The following TSPAN13 variants were observed in gnomAD, a reference collection of about 807,000 sequenced individuals.
TSPAN13 encodes tetraspanin-13.
A neutral mutation model predicts 26.9 loss-of-function variants in TSPAN13; 18 were observed. The ratio of observed to expected loss-of-function variants is 0.67; its 90% CI spans 0.46 to 0.99. The LOEUF is 0.99. Among genes scored for constraint, TSPAN13 ranks in the 50% least tolerant of loss-of-function variants. The probability of loss-of-function intolerance (pLI) is 0.00; values close to 1 mark genes in which losing one functional copy is unlikely to be tolerated. For missense variants in TSPAN13, 201 were observed against 249.6 expected, an observed-to-expected ratio of 0.81 and a Z score of 1.31; for synonymous variants, 116 against 98.4, an observed-to-expected ratio of 1.18 and a Z score of -1.06.
intron 1 of TSPAN13, chr7:16,775,992 T>C (rs1043163846): frequency 4.8e-6 from 2 of 419,074 alleles, no homozygotes; most frequent in Admixed American, 8.3e-5. Flanking sequence ...TTTTTTTTTC[T>C]TTTGCAAGAA....
chr7:16,769,232 A>T (rs139005798), intron 1 of TSPAN13, among the ~76,000 whole-genome samples: 1 of 152,222 alleles, frequency 6.6e-6, no homozygotes, highest in African/African-American at 2.4e-5. Context: ...TATCCAAAAT[A>T]TGTAGAGTCA....
intron 1 of TSPAN13, among the ~76,000 whole-genome samples, chr7:16,755,066 A>C (rs962090116): frequency 6.6e-6 from 1 of 152,024 alleles, no homozygotes; most frequent in Non-Finnish European, 1.5e-5. Context: ...CGGGCGGAAG[A>C]AACTTCCTCT....
At chr7:16,762,700 G>A (rs1453522905) in intron 1 of TSPAN13, among the ~76,000 whole-genome samples, 1 of 152,148 alleles carries the variant, frequency 6.6e-6, no homozygotes, top group Non-Finnish European at 1.5e-5. Context: ...CCCAGGGCAT[G>A]TGCATAATTC....
chr7:16,758,751 C>CTTT (rs35793839), intron 1 of TSPAN13, among the ~76,000 whole-genome samples: 12 of 146,872 alleles, frequency 8.2e-5, no homozygotes, highest in Non-Finnish European at 1.7e-4. Context: ...TTGTAATACC[C>CTTT]TTTTTTTTTT....
At chr7:16,777,964 G>T in intron 4 of TSPAN13, 53 bp downstream of exon 4, 1 of 1,289,196 alleles carries the variant, frequency 7.8e-7, no homozygotes, top group South Asian at 1.4e-5. Context: ...GATAAATAAT[G>T]ATTAATGTGG....
chr7:16,760,609 T>C (rs1784532225), intron 1 of TSPAN13, among the ~76,000 whole-genome samples: 1 of 152,034 alleles, frequency 6.6e-6, no homozygotes, highest in Admixed American at 6.6e-5. Flanking sequence ...GCCAACAAGT[T>C]AGTGAGGGTA....
At chr7:16,772,562 TTG>T (rs1013507287) in intron 1 of TSPAN13, among the ~76,000 whole-genome samples, 1 of 152,124 alleles carries the variant, frequency 6.6e-6, no homozygotes, top group Non-Finnish European at 1.5e-5. Flanking sequence ...ACTTTCTACA[TTG>T]TGTGTGTCTC....
In TSPAN13 at chr7:16,753,770, C is replaced by T. The variant is rs1784447633; in HGVS notation, c.-198C>T. 3 of 457,190 alleles carry T rather than the reference C, an allele frequency of 6.6e-6. No individual in the cohort carries two copies. Among genetic ancestry groups the T allele is most frequent in the South Asian group, 7.6e-5 (2 of 26,162 alleles). The allele number at this position is 457,190 out of a possible 1,614,324, so 28.3% of individuals were successfully genotyped here. ...GGCTCCTGCTCCGGCTCAGCTGCGG[C>T]GGCCGCAGGTTCCAAAGCGGGTCCG... is the stretch of plus-strand genomic sequence containing the variant. On this transcript the variant is annotated 5_prime_UTR_variant, in exon 1 of 6. Transcript: ENST00000262067.
At chr7:16,761,323 T>A (rs1784538562) in intron 1 of TSPAN13, among the ~76,000 whole-genome samples, 1 of 152,236 alleles carries the variant, frequency 6.6e-6, no homozygotes, top group Non-Finnish European at 1.5e-5. Flanking sequence ...TGTCTGGCTA[T>A]TTAGCAAAAT....
intron 5 of TSPAN13, among the ~76,000 whole-genome samples, chr7:16,780,873 C>A (rs907691679): frequency 3.3e-5 from 5 of 152,168 alleles, no homozygotes; most frequent in African/African-American, 1.2e-4. Flanking sequence ...ATCTTACATA[C>A]TGTCTCCTTT....
intron 5 of TSPAN13, among the ~76,000 whole-genome samples, chr7:16,781,194 A>G (rs1479833083): frequency 6.6e-6 from 1 of 152,230 alleles, no homozygotes; most frequent in Non-Finnish European, 1.5e-5. Context: ...AAAAATTATG[A>G]AGATGAAAAA....
rs1784548402 is a variant in TSPAN13, at chr7:16,762,119, CTTG to C, written c.63+8092_63+8094del. ...ACAATATTAAAATCTGTCTTTTCATCTTGTTCTTGAAATGTGGTGGATATTTGA... is the reference window on the plus strand; with the variant it reads ...ACAATATTAAAATCTGTCTTTTCATCTTCTTGAAATGTGGTGGATATTTGA... On this transcript the variant is annotated intron_variant, in intron 1 of 5. Coordinates refer to ENST00000262067, the MANE Select transcript of TSPAN13 (RefSeq NM_014399.4). 2.0e-5 allele frequency among the ~76,000 whole-genome samples: 3 copies of C among 152,068 alleles called. No individual in the cohort carries two copies. The East Asian group carries it at 5.8e-4, about 29-fold the overall frequency.
At chr7:16,783,305 AAAAGATGC>A in intron 5 of TSPAN13, 104 bp from the exon 6 acceptor site, 1 of 1,055,956 alleles carries the variant, frequency 9.5e-7, no homozygotes, top group South Asian at 1.5e-5. Context: ...CCCGTTGAAC[AAAAGATGC>A]AAAGCGATTG....
At chr7:16,783,100 C>G (rs1272511327) in intron 5 of TSPAN13, among the ~76,000 whole-genome samples, 1 of 152,130 alleles carries the variant, frequency 6.6e-6, no homozygotes, top group African/African-American at 2.4e-5. Flanking sequence ...GGGTAATAAT[C>G]TCTTTATCTT....
intron 1 of TSPAN13, among the ~76,000 whole-genome samples, chr7:16,767,854 C>T (rs1784624563): frequency 6.6e-6 from 1 of 151,934 alleles, no homozygotes; most frequent in South Asian, 2.1e-4. Flanking sequence ...TACCTTTCAC[C>T]ACTTTTCAGT....
At chr7:16,780,854 C>T (rs1306580378) in intron 5 of TSPAN13, among the ~76,000 whole-genome samples, 1 of 152,072 alleles carries the variant, frequency 6.6e-6, no homozygotes, top group Non-Finnish European at 1.5e-5. Flanking sequence ...TCATGGAATC[C>T]TGCTTTATAT....
intron 1 of TSPAN13, among the ~76,000 whole-genome samples, chr7:16,768,221 A>AT (rs1467574108): frequency 6.6e-6 from 1 of 152,176 alleles, no homozygotes; most frequent in Admixed American, 6.5e-5. Context: ...GCCTGTAGGC[A>AT]TTTTTTAATA....
At chr7:16,777,492 C>T (rs1168185954) in intron 3 of TSPAN13, among the ~76,000 whole-genome samples, 3 of 152,160 alleles carry the variant, frequency 2.0e-5, no homozygotes, top group Non-Finnish European at 4.4e-5. Context: ...ATCCAGGTTT[C>T]TGTCATGGAG....
At chr7:16,772,968 C>T (rs1784698076) in intron 1 of TSPAN13, among the ~76,000 whole-genome samples, 1 of 151,694 alleles carries the variant, frequency 6.6e-6, no homozygotes, top group Admixed American at 6.6e-5. Flanking sequence ...TGCACTCCAG[C>T]CCGGGTGAGA....
Sources: gnomAD v4.1 joint callset for allele counts (sites outside exome capture counted in the v4.1 genomes callset) on GRCh38, gnomAD v4.1.1 for gene constraint, MANE v1.5 for transcripts, NCBI Gene and HGNC (gene_info 2026-07-23, HGNC 2026-07-21) for gene names.